The following OXSR1 variants were observed in gnomAD, a reference collection of about 807,000 sequenced individuals.
OXSR1 encodes the protein serine/threonine-protein kinase OSR1.
Under a neutral mutation model 79.8 loss-of-function variants are expected in OXSR1, and 24 were observed. That is an observed-to-expected ratio of 0.30 (90% CI 0.22 to 0.42). The LOEUF (loss-of-function observed/expected upper bound fraction) is 0.42, where lower values mean the gene tolerates loss of function less well. Ranked by LOEUF, OXSR1 falls within the 10% of genes least tolerant of loss-of-function variation. The probability of loss-of-function intolerance (pLI) is 1.00; values close to 1 mark genes in which losing one functional copy is unlikely to be tolerated. For missense variants in OXSR1, 430 were observed against 618.4 expected, an observed-to-expected ratio of 0.70 and a Z score of 3.23; for synonymous variants, 226 against 209.2, an observed-to-expected ratio of 1.08 and a Z score of -0.69.
At chr3:38,211,809 A>T (rs1702393942) in intron 4 of OXSR1, among the ~76,000 whole-genome samples, 1 of 151,962 alleles carries the variant, frequency 6.6e-6, no homozygotes, top group Non-Finnish European at 1.5e-5. Flanking sequence ...AACCTTGAGA[A>T]TTTTTTCCTT....
intron 1 of OXSR1, among the ~76,000 whole-genome samples, chr3:38,179,219 G>A (rs753834307): frequency 2.6e-5 from 4 of 151,878 alleles, no homozygotes; most frequent in East Asian, 1.9e-4. Context: ...TTGTAGGGAC[G>A]GAGTCCCACT....
chr3:38,199,356 T>C (rs1285002199), intron 4 of OXSR1, among the ~76,000 whole-genome samples: 3 of 151,698 alleles, frequency 2.0e-5, no homozygotes, highest in Non-Finnish European at 4.4e-5. Context: ...CTCGAACTCC[T>C]GGGCTCAAGT....
chr3:38,213,191 A>G (rs776008908), intron 4 of OXSR1, among the ~76,000 whole-genome samples: 17 of 152,230 alleles, frequency 1.1e-4, no homozygotes, highest in Non-Finnish European at 2.1e-4. Flanking sequence ...AAAATGGTGT[A>G]TGGTACAAAA....
chr3:38,172,090 T>G (rs1293820655), intron 1 of OXSR1, among the ~76,000 whole-genome samples: 1 of 152,230 alleles, frequency 6.6e-6, no homozygotes, highest in African/African-American at 2.4e-5. Flanking sequence ...TGTTATTATC[T>G]CTGACTTTTT....
intron 6 of OXSR1, among the ~76,000 whole-genome samples, chr3:38,222,248 A>T (rs538660341): frequency 6.6e-6 from 1 of 152,156 alleles, no homozygotes. Flanking sequence ...AGCCTAGGGG[A>T]GGAGGATAAC....
At chr3:38,230,543 G>C in intron 10 of OXSR1, 113 bp downstream of exon 10, 1 of 730,386 alleles carries the variant, frequency 1.4e-6, no homozygotes, top group Non-Finnish European at 2.4e-6. Flanking sequence ...GTTTTCTGTC[G>C]ATCCTTTCTA....
chr3:38,173,870 A>C (rs1701629742), intron 1 of OXSR1, among the ~76,000 whole-genome samples: 1 of 152,228 alleles, frequency 6.6e-6, no homozygotes, highest in Admixed American at 6.5e-5. Flanking sequence ...AAGAAAAAGC[A>C]GGGAAAGGGG....
rs144109114 is a variant in OXSR1 at position 38,208,959 on chromosome 3, AGTGT to A, written c.435-7113_435-7110del. On this transcript the variant is annotated intron_variant, in intron 4 of 17. Transcript: ENST00000311806. ...TATTCTAAGAGTAACCCAGTTAAGG[AGTGT>A]GTGTGTGTGTGTGTGTGTGTGTGCG... 1.6e-3 allele frequency among the ~76,000 whole-genome samples: 240 copies of A among 146,970 alleles called. 3 individuals carry two copies. The South Asian group carries it at 0.032, about 20-fold the overall frequency.
intron 1 of OXSR1, among the ~76,000 whole-genome samples, chr3:38,171,599 A>G (rs1038038449): frequency 6.6e-6 from 1 of 151,786 alleles, no homozygotes; most frequent in African/African-American, 2.4e-5. Context: ...TTCTGGTAAA[A>G]TCCTACAGAG....
chr3:38,251,814 A>C (rs1371916027), intron 16 of OXSR1, among the ~76,000 whole-genome samples: 3 of 152,220 alleles, frequency 2.0e-5, no homozygotes, highest in East Asian at 3.8e-4. Flanking sequence ...AAGTCATTAG[A>C]GATTTAGTAC....
chr3:38,243,965 T>A (rs1703086288), intron 12 of OXSR1, among the ~76,000 whole-genome samples: 1 of 152,190 alleles, frequency 6.6e-6, no homozygotes, highest in Admixed American at 6.5e-5. Context: ...TTATTCCTGC[T>A]ACCATGACCT....
Position 38,183,209 on chromosome 3 carries a change from T to TA in OXSR1, c.183+100dup, listed in dbSNP as rs1177385571. The stretch of plus-strand genomic sequence containing the variant: ...TTGAAGTTTTTGATTTGTTTCTTTT[T>TA]AAAAAAGTTTATGATTTCTTCATTA... On this transcript the variant is annotated intron_variant, in intron 2 of 17. Transcript: ENST00000311806. 62 of 532,564 alleles carry TA rather than the reference T, an allele frequency of 1.2e-4. No homozygotes were observed. The African/African-American group carries it at 1.2e-3, about 10-fold the overall frequency. The allele number at this position is 532,564 out of a possible 1,614,324, so 33.0% of individuals were successfully genotyped here.
chr3:38,170,761 T>A (rs1701565359), intron 1 of OXSR1, among the ~76,000 whole-genome samples: 1 of 152,164 alleles, frequency 6.6e-6, no homozygotes, highest in Non-Finnish European at 1.5e-5. Context: ...TGGGGGTCAT[T>A]GTCTCACAGA....
At chr3:38,215,785 GA>G (rs979204042) in intron 4 of OXSR1, among the ~76,000 whole-genome samples, 1 of 152,048 alleles carries the variant, frequency 6.6e-6, no homozygotes, top group Non-Finnish European at 1.5e-5. Context: ...TTGGGGTATA[GA>G]AAAAAATATA....
chr3:38,227,278 A>C (rs2125840058), intron 8 of OXSR1, among the ~76,000 whole-genome samples: 1 of 152,334 alleles, frequency 6.6e-6, no homozygotes, highest in Non-Finnish European at 1.5e-5. Flanking sequence ...TGAGGATAGC[A>C]CTGTTATTTT....
At chr3:38,208,983 T>C (rs896984815) in intron 4 of OXSR1, among the ~76,000 whole-genome samples, 22 of 127,860 alleles carry the variant, frequency 1.7e-4, no homozygotes, top group African/African-American at 5.1e-4. Flanking sequence ...TGTGTGTGTG[T>C]GTGCGCGCGC....
intron 3 of OXSR1, among the ~76,000 whole-genome samples, chr3:38,196,983 G>A (rs1200913731): frequency 1.3e-5 from 2 of 152,182 alleles, no homozygotes; most frequent in Admixed American, 1.3e-4. Context: ...TGTAAACAGT[G>A]TTTATGATCA....
intron 8 of OXSR1, among the ~76,000 whole-genome samples, chr3:38,228,906 C>G (rs996713675): frequency 6.6e-6 from 1 of 152,086 alleles, no homozygotes; most frequent in African/African-American, 2.4e-5. Context: ...CCAGATAGTT[C>G]AATGCACAGC....
intron 4 of OXSR1, among the ~76,000 whole-genome samples, chr3:38,208,507 G>A (rs1445105590): frequency 1.3e-5 from 2 of 152,116 alleles, no homozygotes; most frequent in Non-Finnish European, 2.9e-5. Context: ...GACTGAAGCA[G>A]GTTAGAAAAT....
Sources: gnomAD v4.1 joint callset for allele counts (sites outside exome capture counted in the v4.1 genomes callset) on GRCh38, gnomAD v4.1.1 for gene constraint, MANE v1.5 for transcripts, NCBI Gene and HGNC (gene_info 2026-07-23, HGNC 2026-07-21) for gene names.